The following UGT1A9 variants were observed in gnomAD, a reference collection of about 807,000 sequenced individuals.
The protein encoded by UGT1A9 is UDP-glucuronosyltransferase 1A9.
A neutral mutation model predicts 45.0 loss-of-function variants in UGT1A9; 35 were observed. The observed-to-expected ratio is 0.78, with a 90% CI of 0.59 to 1.03. The LOEUF is 1.03. Among genes scored for constraint, UGT1A9 ranks in the 50% least tolerant of loss-of-function variants. The pLI is 0.00. For synonymous variants in UGT1A9, 278 were observed against 250.6 expected, an observed-to-expected ratio of 1.11 and a Z score of -1.03; for missense variants, 687 against 666.6, an observed-to-expected ratio of 1.03 and a Z score of -0.34.
intron 1 of UGT1A9, among the ~76,000 whole-genome samples, chr2:233,764,613 G>C (rs1465626858): frequency 6.6e-6 from 1 of 152,080 alleles, no homozygotes; most frequent in Admixed American, 6.5e-5. Context: ...GTAAGAGTGG[G>C]TTTCATGAAG....
chr2:233,730,676 G>A (rs992783530), intron 1 of UGT1A9, among the ~76,000 whole-genome samples: 4 of 152,128 alleles, frequency 2.6e-5, no homozygotes, highest in Non-Finnish European at 4.4e-5. Flanking sequence ...CAAAGTAATG[G>A]TTGCATCTCA....
At chr2:233,717,755 A>G in intron 1 of UGT1A9, 1 of 456,600 alleles carries the variant, frequency 2.2e-6, no homozygotes, top group South Asian at 1.5e-5. Flanking sequence ...CTCCCCCTAG[A>G]AAGGCACACA....
chr2:233,718,402 G>A (rs3732220), intron 1 of UGT1A9, among the ~76,000 whole-genome samples: 15,446 of 152,230 alleles, frequency 0.1, 905 homozygotes, highest in East Asian at 0.2. Context: ...AGCAAATAGC[G>A]TCACATTCAG....
chr2:233,674,402 A>T (rs2074283118), intron 1 of UGT1A9, among the ~76,000 whole-genome samples: 1 of 152,164 alleles, frequency 6.6e-6, no homozygotes, highest in African/African-American at 2.4e-5. Context: ...AAATTATAGT[A>T]TCCTCCATTA....
intron 1 of UGT1A9, among the ~76,000 whole-genome samples, chr2:233,716,135 T>C (rs758883944): frequency 1.1e-4 from 16 of 152,340 alleles, no homozygotes; most frequent in Middle Eastern, 3.4e-3. Flanking sequence ...TGGAATTCCA[T>C]GGCCCTTTTC....
intron 1 of UGT1A9, 105 bp from the exon 2 acceptor site, chr2:233,766,924 ATGCCT>A: frequency 6.4e-7 from 1 of 1,565,450 alleles, no homozygotes; most frequent in Non-Finnish European, 8.6e-7. Context: ...TCAAACACGC[ATGCCT>A]TTAATCATAG....
intron 1 of UGT1A9, among the ~76,000 whole-genome samples, chr2:233,727,487 G>T (rs980960978): frequency 2.0e-5 from 3 of 152,164 alleles, no homozygotes; most frequent in Admixed American, 6.5e-5. Context: ...CTACTTGGAG[G>T]TAGAACATGG....
intron 1 of UGT1A9, among the ~76,000 whole-genome samples, chr2:233,764,509 G>A (rs1698579622): frequency 6.6e-6 from 1 of 152,192 alleles, no homozygotes; most frequent in Non-Finnish European, 1.5e-5. Flanking sequence ...GTTCAATTTT[G>A]TGTGAATCAC....
intron 1 of UGT1A9, among the ~76,000 whole-genome samples, chr2:233,716,738 T>C (rs764631282): frequency 1.3e-5 from 2 of 152,172 alleles, no homozygotes; most frequent in Non-Finnish European, 2.9e-5. Context: ...TTTAGCTCTG[T>C]GAGATTGGGA....
intron 1 of UGT1A9, among the ~76,000 whole-genome samples, chr2:233,683,306 A>G (rs1199443258): frequency 6.6e-6 from 1 of 152,132 alleles, no homozygotes; most frequent in East Asian, 1.9e-4. Flanking sequence ...AGGTCAATGC[A>G]TACAGATTTG....
chr2:233,684,446 C>T (rs2074680414), intron 1 of UGT1A9, among the ~76,000 whole-genome samples: 1 of 152,152 alleles, frequency 6.6e-6, no homozygotes, highest in Admixed American at 6.6e-5. Context: ...TGTGGCCTGC[C>T]ACTTTCTGAA....
intron 1 of UGT1A9, among the ~76,000 whole-genome samples, chr2:233,709,017 G>T (rs756510737): frequency 1.3e-5 from 2 of 152,110 alleles, no homozygotes; most frequent in Non-Finnish European, 2.9e-5. Flanking sequence ...TAATACCCAA[G>T]CAGCAGGGGC....
At chr2:233,752,366 A>C (rs1575711623) in intron 1 of UGT1A9, 1 of 152,202 alleles carries the variant, frequency 6.6e-6, no homozygotes, top group Non-Finnish European at 1.5e-5. Context: ...TAGGGGTCTC[A>C]AGAGGGTCAT....
At chr2:233,734,121 T>TAAA (rs1021409062) in intron 1 of UGT1A9, among the ~76,000 whole-genome samples, 6 of 151,862 alleles carry the variant, frequency 4.0e-5, no homozygotes, top group African/African-American at 1.5e-4. Context: ...ATAATAATAA[T>TAAA]AAAAAGAATT....
At chr2:233,688,240 G>A (rs546662065) in intron 1 of UGT1A9, among the ~76,000 whole-genome samples, 1 of 152,328 alleles carries the variant, frequency 6.6e-6, no homozygotes, top group South Asian at 2.1e-4. Context: ...GCATGAATCA[G>A]TATTTCATTC....
At chr2:233,706,468 T>C (rs2075909153) in intron 1 of UGT1A9, among the ~76,000 whole-genome samples, 1 of 152,230 alleles carries the variant, frequency 6.6e-6, no homozygotes, top group African/African-American at 2.4e-5. Flanking sequence ...GGTTTCACCA[T>C]AGGCTGGGTA....
chr2:233,765,740 C>T (rs951696953), intron 1 of UGT1A9, among the ~76,000 whole-genome samples: 1 of 147,868 alleles, frequency 6.8e-6, no homozygotes, highest in African/African-American at 2.5e-5. Context: ...TAAATAAACC[C>T]ATAAAGCCAT....
chr2:233,757,867 T>C (rs1324450785), intron 1 of UGT1A9, among the ~76,000 whole-genome samples: 1 of 151,950 alleles, frequency 6.6e-6, no homozygotes. Context: ...AAAAAGAAAG[T>C]AGCTTCAAAA....
intron 1 of UGT1A9, among the ~76,000 whole-genome samples, chr2:233,716,770 G>A (rs1477452949): frequency 1.3e-5 from 2 of 152,158 alleles, no homozygotes; most frequent in African/African-American, 2.4e-5. Context: ...GATCACTCAG[G>A]TCAGGCTTTC....
Sources: gnomAD v4.1 joint callset for allele counts (sites outside exome capture counted in the v4.1 genomes callset) on GRCh38, gnomAD v4.1.1 for gene constraint, MANE v1.5 for transcripts, NCBI Gene and HGNC (gene_info 2026-07-23, HGNC 2026-07-21) for gene names.